Variants in ZNF804B observed in about 807,000 individuals in gnomAD.
ZNF804B encodes the protein zinc finger protein 804B.
Under a neutral mutation model 101.4 loss-of-function variants are expected in ZNF804B, and 80 were observed. The observed-to-expected ratio is 0.79, with a 90% CI of 0.66 to 0.95. The LOEUF (loss-of-function observed/expected upper bound fraction) is 0.95. Among genes scored for constraint, ZNF804B ranks in the 40% least tolerant of loss-of-function variants. ZNF804B has a pLI of 0.00. For missense variants in ZNF804B, 1,673 were observed against 1,561.9 expected (o/e 1.07, Z -1.20); for synonymous variants, 622 against 558.8 (o/e 1.11, Z -1.59).
intron 2 of ZNF804B, among the ~76,000 whole-genome samples, chr7:89,233,176 T>G (rs1291967836): frequency 2.0e-5 from 3 of 152,182 alleles, no homozygotes; most frequent in African/African-American, 7.2e-5. Flanking sequence ...TCCATCCGCC[T>G]CGGCCTCCCA....
chr7:88,822,304 G>A (rs1040860528), intron 1 of ZNF804B, among the ~76,000 whole-genome samples: 2 of 152,184 alleles, frequency 1.3e-5, no homozygotes, highest in East Asian at 1.9e-4. Flanking sequence ...ACTCAACCTC[G>A]ATTAACCTCA....
At chr7:88,897,309 C>T (rs1350833379) in intron 1 of ZNF804B, among the ~76,000 whole-genome samples, 1 of 152,076 alleles carries the variant, frequency 6.6e-6, no homozygotes, top group African/African-American at 2.4e-5. Context: ...ATGTCTTTGG[C>T]AAAAGATGTC....
intron 2 of ZNF804B, among the ~76,000 whole-genome samples, chr7:89,289,670 C>G (rs1013885940): frequency 6.6e-6 from 1 of 152,134 alleles, no homozygotes; most frequent in African/African-American, 2.4e-5. Context: ...TAGACCAGCC[C>G]TACACGAAGG....
At chr7:89,087,893 T>C (rs1338817995) in intron 1 of ZNF804B, among the ~76,000 whole-genome samples, 1 of 151,840 alleles carries the variant, frequency 6.6e-6, no homozygotes, top group African/African-American at 2.4e-5. Context: ...GAAATGTCCA[T>C]GTTCAATTAG....
chr7:88,858,139 T>C (rs1392350623), intron 1 of ZNF804B, among the ~76,000 whole-genome samples: 1 of 152,092 alleles, frequency 6.6e-6, no homozygotes, highest in Non-Finnish European at 1.5e-5. Context: ...TCTTTACCTA[T>C]AATTATCTAT....
chr7:89,075,642 T>C (rs1789606199), intron 1 of ZNF804B, among the ~76,000 whole-genome samples: 1 of 151,632 alleles, frequency 6.6e-6, no homozygotes, highest in Non-Finnish European at 1.5e-5. Context: ...ATCAAAGCCC[T>C]CACACAGAGT....
At chr7:89,186,742 T>C (rs1788380894) in intron 1 of ZNF804B, among the ~76,000 whole-genome samples, 1 of 152,164 alleles carries the variant, frequency 6.6e-6, no homozygotes, top group Non-Finnish European at 1.5e-5. Flanking sequence ...CCTTCTGCAA[T>C]AGTAATCTGT....
rs545909382 is a variant in ZNF804B at position 89,253,964 on chromosome 7, T to C, written c.249+35669T>C. Among the ~76,000 whole-genome samples, 17 of 152,162 alleles carry C rather than the reference T, an allele frequency of 1.1e-4. No homozygotes were observed. In the South Asian group the frequency reaches 2.3e-3, roughly 20 times the overall value. On this transcript the variant is annotated intron_variant, in intron 2 of 3. Transcript: ENST00000333190. ...CAATATCCATTCAGAATGAAAACCT[T>C]AGGAAACTAAAAAAGAAGGGAACTC... is the stretch of plus-strand genomic sequence containing the variant.
At chr7:88,897,866 AC>A (rs1397994434) in intron 1 of ZNF804B, among the ~76,000 whole-genome samples, 1 of 148,634 alleles carries the variant, frequency 6.7e-6, no homozygotes, top group East Asian at 2.0e-4. Context: ...GAAGAATAGT[AC>A]TTTTTTTTTT....
intron 1 of ZNF804B, among the ~76,000 whole-genome samples, chr7:89,191,282 A>G (rs951676506): frequency 3.3e-5 from 5 of 152,154 alleles, no homozygotes; most frequent in Non-Finnish European, 7.4e-5. Flanking sequence ...TTATAAAATA[A>G]ATATTTGTCA....
intron 1 of ZNF804B, among the ~76,000 whole-genome samples, chr7:89,148,498 A>G (rs1790823141): frequency 1.3e-5 from 2 of 152,100 alleles, no homozygotes; most frequent in Admixed American, 1.3e-4. Flanking sequence ...ACATTTAACT[A>G]TCTCTGCTTG....
At chr7:89,121,147 C>G (rs1303671818) in intron 1 of ZNF804B, among the ~76,000 whole-genome samples, 1 of 152,154 alleles carries the variant, frequency 6.6e-6, no homozygotes, top group African/African-American at 2.4e-5. Context: ...TTTTGCTCCT[C>G]AAGGCTTTAT....
intron 3 of ZNF804B, among the ~76,000 whole-genome samples, chr7:89,329,593 A>G (rs1443352709): frequency 6.6e-6 from 1 of 151,546 alleles, no homozygotes. Flanking sequence ...AAAAATGGTA[A>G]CAGATCTTAT....
At chr7:89,006,469 C>G (rs988899339) in intron 1 of ZNF804B, among the ~76,000 whole-genome samples, 1 of 151,948 alleles carries the variant, frequency 6.6e-6, no homozygotes, top group African/African-American at 2.4e-5. Flanking sequence ...TTATATCATG[C>G]ATTGTGAAGA....
chr7:88,828,109 A>C (rs181576504), intron 1 of ZNF804B, among the ~76,000 whole-genome samples: 1 of 152,098 alleles, frequency 6.6e-6, no homozygotes, highest in African/African-American at 2.4e-5. Flanking sequence ...AGTCCTTACT[A>C]TGGCCTACAA....
chr7:88,796,895 A>G (rs1173948660), intron 1 of ZNF804B, among the ~76,000 whole-genome samples: 3 of 152,088 alleles, frequency 2.0e-5, no homozygotes, highest in Non-Finnish European at 4.4e-5. Flanking sequence ...GTCTCAAGGT[A>G]GACACAACTA....
intron 1 of ZNF804B, among the ~76,000 whole-genome samples, chr7:88,795,349 CT>C (rs1203244237): frequency 6.7e-6 from 1 of 149,934 alleles, no homozygotes; most frequent in Non-Finnish European, 1.5e-5. Context: ...TGATCTATAA[CT>C]TTTAAAAAAA....
At chr7:89,000,572 A>G (rs908939882) in intron 1 of ZNF804B, among the ~76,000 whole-genome samples, 3 of 151,966 alleles carry the variant, frequency 2.0e-5, no homozygotes, top group African/African-American at 7.2e-5. Context: ...TGTGCTGTAT[A>G]TTAGATCCCC....
chr7:88,981,084 G>A (rs1339057073), intron 1 of ZNF804B, among the ~76,000 whole-genome samples: 2 of 151,988 alleles, frequency 1.3e-5, no homozygotes, highest in African/African-American at 2.4e-5. Context: ...TCTTCTCATA[G>A]CCACCACAGT....
Sources: allele counts gnomAD v4.1 joint callset (sites outside exome capture counted in the v4.1 genomes callset), GRCh38; gene constraint gnomAD v4.1.1; transcripts MANE v1.5; gene names NCBI Gene and HGNC (gene_info 2026-07-23, HGNC 2026-07-21).